SGCD: variants seen among roughly 807,000 people sequenced by gnomAD.
SGCD encodes the protein delta-sarcoglycan.
A neutral mutation model predicts 36.6 loss-of-function variants in SGCD; 18 were observed. The observed-to-expected ratio is 0.49, with a 90% CI of 0.34 to 0.73. The LOEUF is 0.73. Among genes scored for constraint, SGCD ranks in the 30% least tolerant of loss-of-function variants. The pLI is 0.01. For missense variants in SGCD, 387 were observed against 346.7 expected (o/e 1.12, Z -0.92); for synonymous variants, 133 against 130.6 (o/e 1.02, Z -0.12).
chr5:155,796,398 C>G, the SGCD span, among the ~76,000 whole-genome samples: 1 of 152,004 alleles, frequency 6.6e-6, no homozygotes, highest in Non-Finnish European at 1.5e-5. Context: ...ATCTTTTTAT[C>G]TAAGTCTGAT....
chr5:156,204,935 A>G (rs1023954678), intron 3 of SGCD, among the ~76,000 whole-genome samples: 1 of 152,118 alleles, frequency 6.6e-6, no homozygotes, highest in Non-Finnish European at 1.5e-5. Context: ...CGTGATCTCA[A>G]AAGACCAGAG....
At chr5:156,407,367 A>T (rs1772483273) in intron 3 of SGCD, among the ~76,000 whole-genome samples, 1 of 152,156 alleles carries the variant, frequency 6.6e-6, no homozygotes, top group Admixed American at 6.5e-5. Context: ...GGGCCCTCAC[A>T]GTGCTTTATG....
At chr5:156,575,844 A>G (rs1386010116) in intron 4 of SGCD, among the ~76,000 whole-genome samples, 1 of 152,194 alleles carries the variant, frequency 6.6e-6, no homozygotes, top group African/African-American at 2.4e-5. Context: ...AGCAAATAAA[A>G]TACTAACATG....
intron 3 of SGCD, among the ~76,000 whole-genome samples, chr5:156,130,598 A>G (rs891876938): frequency 1.3e-5 from 2 of 152,134 alleles, no homozygotes; most frequent in South Asian, 2.1e-4. Flanking sequence ...CCTAAGTTGT[A>G]TGACTCCATC....
At chr5:156,582,925 T>G (rs1196149535) in intron 4 of SGCD, among the ~76,000 whole-genome samples, 11 of 152,160 alleles carry the variant, frequency 7.2e-5, no homozygotes, top group Admixed American at 7.2e-4. Flanking sequence ...CTATGAGAGA[T>G]TTGCCTTGAG....
chr5:155,845,777 C>T, the SGCD span, among the ~76,000 whole-genome samples: 1 of 152,120 alleles, frequency 6.6e-6, no homozygotes. Flanking sequence ...GAGTCTCTGG[C>T]AAAACTAATT....
rs576225720 is a variant in SGCD at position 156,765,021 on chromosome 5, G to T, written c.*5631G>T. ...ATTAAGTATGTGGACAGCCTCACTA[G>T]TAAGTGAGTGAATTTGGCTTCATCA... On this transcript the variant is annotated 3_prime_UTR_variant, in exon 9 of 9. Transcript: ENST00000337851. The T allele has an allele frequency of 1.3e-5, 2 of 152,352 alleles. No individual in the cohort carries two copies. 9.4% of individuals were successfully genotyped at this position (152,352 alleles called of 1,614,324 possible).
At chr5:156,117,559 A>G (rs562652995) in intron 1 of SGCD, among the ~76,000 whole-genome samples, 1 of 152,324 alleles carries the variant, frequency 6.6e-6, no homozygotes, top group South Asian at 2.1e-4. Context: ...GACAATGAAT[A>G]TTGGCAGCAA....
the SGCD span, among the ~76,000 whole-genome samples, chr5:155,744,892 A>G: frequency 1.3e-5 from 2 of 152,224 alleles, no homozygotes; most frequent in African/African-American, 2.4e-5. Flanking sequence ...AGGAAGTTCA[A>G]ATAAGATGAA....
intron 3 of SGCD, among the ~76,000 whole-genome samples, chr5:156,193,685 G>A (rs1402729163): frequency 6.6e-6 from 1 of 152,068 alleles, no homozygotes; most frequent in Non-Finnish European, 1.5e-5. Flanking sequence ...GCTCCTGTCA[G>A]TGGAGATCTA....
chr5:156,611,091 A>C (rs1761780826), intron 6 of SGCD, among the ~76,000 whole-genome samples: 1 of 152,152 alleles, frequency 6.6e-6, no homozygotes, highest in Non-Finnish European at 1.5e-5. Context: ...TGAACCTGGT[A>C]CCTCAGTTGG....
At chr5:156,090,942 GT>G (rs1282690999) in intron 1 of SGCD, among the ~76,000 whole-genome samples, 1 of 152,146 alleles carries the variant, frequency 6.6e-6, no homozygotes, top group African/African-American at 2.4e-5. Context: ...AGACCTTATG[GT>G]TATTTTTCCT....
intron 3 of SGCD, among the ~76,000 whole-genome samples, chr5:156,244,214 C>T (rs1372781601): frequency 6.6e-6 from 1 of 151,958 alleles, no homozygotes; most frequent in East Asian, 1.9e-4. Flanking sequence ...TCGGACACAC[C>T]AAAACTGAAA....
intron 3 of SGCD, among the ~76,000 whole-genome samples, chr5:156,228,031 A>G (rs1240866024): frequency 6.6e-6 from 1 of 152,042 alleles, no homozygotes; most frequent in African/African-American, 2.4e-5. Context: ...CAATTTTCTT[A>G]AATTTATTGA....
In SGCD at chr5:156,497,299, G is replaced by A. The variant is rs576823698; in HGVS notation, c.193-11302G>A. On this transcript the variant is annotated intron_variant, in intron 3 of 8. Coordinates refer to ENST00000337851, the MANE Select transcript of SGCD (RefSeq NM_000337.6). ...TTGATAGCTAAGCTCTAAAGGAAAA[G>A]TAGAAACTAGGCAATTCAGTAGTAA... is the stretch of plus-strand genomic sequence containing the variant. Among the ~76,000 whole-genome samples the A allele has an allele frequency of 5.9e-5, 9 of 152,022 alleles. No individual in the cohort carries two copies. In the South Asian group the frequency reaches 1.7e-3, roughly 28 times the overall value.
At chr5:156,373,952 G>T (rs1770524559) in intron 3 of SGCD, among the ~76,000 whole-genome samples, 1 of 152,118 alleles carries the variant, frequency 6.6e-6, no homozygotes, top group Non-Finnish European at 1.5e-5. Flanking sequence ...GACCTTAGAT[G>T]CCTCTTTCAT....
the SGCD span, among the ~76,000 whole-genome samples, chr5:155,794,114 A>C: frequency 6.6e-6 from 1 of 152,182 alleles, no homozygotes; most frequent in Non-Finnish European, 1.5e-5. Flanking sequence ...ACAGCACTAC[A>C]CTGTAGGGGG....
chr5:156,721,905 T>A (rs531693961), intron 7 of SGCD, among the ~76,000 whole-genome samples: 1 of 152,314 alleles, frequency 6.6e-6, no homozygotes, highest in Non-Finnish European at 1.5e-5. Context: ...AAAGGAAGAC[T>A]GTCACATCTA....
chr5:156,606,361 T>C (rs192112737), intron 6 of SGCD, among the ~76,000 whole-genome samples: 5,494 of 152,302 alleles, frequency 0.036, 319 homozygotes, highest in African/African-American at 0.12. Flanking sequence ...GTTGTAGATA[T>C]GTGGCATTAT....
Sources: gnomAD v4.1 joint callset for allele counts (sites outside exome capture counted in the v4.1 genomes callset) on GRCh38, gnomAD v4.1.1 for gene constraint, MANE v1.5 for transcripts, NCBI Gene and HGNC (gene_info 2026-07-23, HGNC 2026-07-21) for gene names.